TRPM3: variants seen among roughly 807,000 people sequenced by gnomAD.
TRPM3 encodes the protein transient receptor potential cation channel subfamily M member 3.
In TRPM3, 77 loss-of-function variants were observed where a neutral mutation model predicts 181.2. That is an observed-to-expected ratio of 0.42 (90% CI 0.35 to 0.51). TRPM3 has a LOEUF of 0.51. Among genes scored for constraint, TRPM3 ranks in the 20% least tolerant of loss-of-function variants. The pLI is 0.01. For synonymous variants in TRPM3, 745 were observed against 796.4 expected (o/e 0.94, Z 1.09); for missense variants, 1,759 against 2,196.7 (o/e 0.80, Z 3.98).
intron 6 of TRPM3, among the ~76,000 whole-genome samples, chr9:70,813,102 G>A (rs1358107132): frequency 7.5e-6 from 1 of 133,984 alleles, no homozygotes; most frequent in East Asian, 2.0e-4. Flanking sequence ...ACACGTGACT[G>A]TGATTTTTTT....
intron 1 of TRPM3, among the ~76,000 whole-genome samples, chr9:71,016,430 C>T (rs963274152): frequency 7.9e-5 from 12 of 152,052 alleles, no homozygotes; most frequent in African/African-American, 2.9e-4. Flanking sequence ...ATCATTCCTC[C>T]CTCCCTACTC....
intron 1 of TRPM3, among the ~76,000 whole-genome samples, chr9:71,269,699 A>T (rs1033194764): frequency 1.3e-5 from 2 of 152,156 alleles, no homozygotes; most frequent in South Asian, 4.1e-4. Context: ...TAGGGAAAAC[A>T]CCTCAGCAGG....
chr9:70,778,771 C>A (rs1159304274), intron 7 of TRPM3, among the ~76,000 whole-genome samples: 1 of 152,062 alleles, frequency 6.6e-6, no homozygotes, highest in Non-Finnish European at 1.5e-5. Context: ...CTTATAGAGA[C>A]AAATGATAAG....
intron 1 of TRPM3, among the ~76,000 whole-genome samples, chr9:71,181,754 A>C (rs765390219): frequency 3.9e-5 from 6 of 152,084 alleles, no homozygotes; most frequent in Non-Finnish European, 8.8e-5. Context: ...TGCCGTACAC[A>C]CTCACATGGG....
intron 1 of TRPM3, among the ~76,000 whole-genome samples, chr9:70,954,517 T>A (rs2097044508): frequency 6.6e-6 from 1 of 152,194 alleles, no homozygotes; most frequent in Non-Finnish European, 1.5e-5. Flanking sequence ...GCATGTCTCA[T>A]TTATTTGATG....
intron 7 of TRPM3, among the ~76,000 whole-genome samples, chr9:70,764,627 T>C (rs2078753316): frequency 6.6e-6 from 1 of 152,236 alleles, no homozygotes; most frequent in Admixed American, 6.5e-5. Context: ...GTTGTGGCTT[T>C]GGCTAGATCA....
intron 24 of TRPM3, among the ~76,000 whole-genome samples, chr9:70,552,566 T>A (rs1251817144): frequency 6.6e-6 from 1 of 152,228 alleles, no homozygotes; most frequent in East Asian, 1.9e-4. Context: ...TTAGAACTTA[T>A]GAAGGTTCTA....
At chr9:70,833,533 A>C (rs1199961957) in intron 5 of TRPM3, among the ~76,000 whole-genome samples, 1 of 152,184 alleles carries the variant, frequency 6.6e-6, no homozygotes, top group East Asian at 1.9e-4. Context: ...CATTGACGGC[A>C]TACTTTATAG....
intron 7 of TRPM3, among the ~76,000 whole-genome samples, chr9:70,778,516 TTGTC>T (rs1311494333): frequency 6.6e-6 from 1 of 152,194 alleles, no homozygotes; most frequent in Admixed American, 6.5e-5. Flanking sequence ...CCAGCGTTCT[TTGTC>T]TGTACAAGGT....
intron 1 of TRPM3, among the ~76,000 whole-genome samples, chr9:71,090,003 C>T (rs762252608): frequency 1.1e-4 from 17 of 152,172 alleles, no homozygotes; most frequent in Non-Finnish European, 2.4e-4. Flanking sequence ...AGAAAGTTTA[C>T]GAATTTGCAT....
Position 70,827,937 on chromosome 9 carries a change from C to A in TRPM3, c.883G>T (p.Ala295Ser). Residue 295 changes from alanine (A) to serine (S), a missense_variant, in exon 6 of 26, where the codon GCT (alanine) becomes TCT (serine). Transcript: ENST00000677713. Reference sequence around the variant, plus strand: ...TATTTTCCAGTGGTCCCGTTGTCAGCCAGAATGAAGTGGGAATGCATGCTG... The same window carrying A: ...TATTTTCCAGTGGTCCCGTTGTCAGACAGAATGAAGTGGGAATGCATGCTG... Reference protein sequence around the residue: ...LNSMHSHFILADNGTTGKYGA... With the variant: ...LNSMHSHFILSDNGTTGKYGA... 1 of 1,614,084 alleles carries A rather than the reference C, an allele frequency of 6.2e-7. No individual in the cohort carries two copies. The highest frequency in any genetic ancestry group is 1.3e-5 in the African/African-American group (1 of 75,034).
At chr9:71,227,108 C>CAAAAAAAAAAAAAAAA (rs368727383) in intron 1 of TRPM3, among the ~76,000 whole-genome samples, 1 of 40,190 alleles carries the variant, frequency 2.5e-5, no homozygotes, top group Non-Finnish European at 4.9e-5. Context: ...TACTTCATCT[C>CAAAAAAAAAAAAAAAA]AAAAAAAAAA....
chr9:71,224,347 C>T (rs530991134), intron 1 of TRPM3, among the ~76,000 whole-genome samples: 30 of 152,310 alleles, frequency 2.0e-4, no homozygotes, highest in African/African-American at 7.0e-4. Flanking sequence ...GTTTGGGGTG[C>T]CCCCTAATGC....
intron 22 of TRPM3, among the ~76,000 whole-genome samples, chr9:70,565,185 C>T (rs770872430): frequency 6.6e-6 from 1 of 152,232 alleles, no homozygotes; most frequent in Non-Finnish European, 1.5e-5. Context: ...GGTGACAGCA[C>T]ACCCTTGTAT....
At chr9:71,209,422 G>T (rs893683469) in intron 1 of TRPM3, among the ~76,000 whole-genome samples, 134 of 151,734 alleles carry the variant, frequency 8.8e-4, no homozygotes, top group African/African-American at 3.0e-3. Flanking sequence ...GAGAGAGACT[G>T]ACTTCTTTTC....
intron 1 of TRPM3, among the ~76,000 whole-genome samples, chr9:70,893,529 A>T (rs530153051): frequency 6.6e-6 from 1 of 152,296 alleles, no homozygotes; most frequent in East Asian, 1.9e-4. Flanking sequence ...TCCCATGGTG[A>T]CTACGAATGG....
intron 1 of TRPM3, among the ~76,000 whole-genome samples, chr9:71,030,923 A>C (rs547433879): frequency 1.3e-5 from 2 of 152,288 alleles, no homozygotes; most frequent in South Asian, 4.1e-4. Context: ...CAGGGTATTC[A>C]TTGGTTATCA....
intron 1 of TRPM3, among the ~76,000 whole-genome samples, chr9:71,108,203 C>T (rs1278061534): frequency 6.6e-6 from 1 of 152,144 alleles, no homozygotes; most frequent in African/African-American, 2.4e-5. Context: ...AGTTGAACTC[C>T]ATTTCCTCTT....
chr9:71,012,081 C>T (rs572757917), intron 1 of TRPM3, among the ~76,000 whole-genome samples: 1 of 152,046 alleles, frequency 6.6e-6, no homozygotes, highest in Non-Finnish European at 1.5e-5. Flanking sequence ...CTGCTGCTGG[C>T]CTATGTTTTC....
Sources: gnomAD v4.1 joint callset for allele counts (sites outside exome capture counted in the v4.1 genomes callset) on GRCh38, gnomAD v4.1.1 for gene constraint, MANE v1.5 for transcripts, NCBI Gene and HGNC (gene_info 2026-07-23, HGNC 2026-07-21) for gene names.